KCNH8: variants seen among roughly 807,000 people sequenced by gnomAD.
KCNH8 encodes the protein potassium voltage-gated channel subfamily H member 8, also known as voltage-gated delayed rectifier potassium channel KCNH8.
A neutral mutation model predicts 103.6 loss-of-function variants in KCNH8; 70 were observed. The ratio of observed to expected loss-of-function variants is 0.68; its 90% CI spans 0.56 to 0.82. KCNH8 has a LOEUF of 0.82. KCNH8 is among the 40% of genes least tolerant of loss of function. KCNH8 has a pLI of 0.00. For synonymous variants in KCNH8, 498 were observed against 489.4 expected (o/e 1.02, Z -0.23); for missense variants, 1,217 against 1,329.9 (o/e 0.92, Z 1.32).
At chr3:19,398,141 A>C (rs1247844202) in intron 7 of KCNH8, among the ~76,000 whole-genome samples, 1 of 152,010 alleles carries the variant, frequency 6.6e-6, no homozygotes, top group East Asian at 1.9e-4. Flanking sequence ...AATTATTGTT[A>C]ATTCCATAAA....
At chr3:19,223,899 T>C (rs7624713) in intron 1 of KCNH8, among the ~76,000 whole-genome samples, 7,437 of 152,246 alleles carry the variant, frequency 0.049, 611 homozygotes, top group African/African-American at 0.16. Flanking sequence ...TAATCTTTAA[T>C]ATTTTTTTCT....
At chr3:19,500,254 C>T (rs2068548498) in intron 11 of KCNH8, among the ~76,000 whole-genome samples, 1 of 152,124 alleles carries the variant, frequency 6.6e-6, no homozygotes, top group South Asian at 2.1e-4. Context: ...AATATATATG[C>T]ACCCAATACA....
intron 1 of KCNH8, among the ~76,000 whole-genome samples, chr3:19,178,034 A>C (rs1187009673): frequency 6.6e-6 from 1 of 152,020 alleles, no homozygotes; most frequent in African/African-American, 2.4e-5. Context: ...TTACCAACTC[A>C]GTTCTTTATT....
chr3:19,239,635 A>AATCT (rs10571316), intron 1 of KCNH8, among the ~76,000 whole-genome samples: 22,436 of 145,698 alleles, frequency 0.15, 1,794 homozygotes, highest in African/African-American at 0.17. Context: ...AGAATGATGG[A>AATCT]ATCTATCTAT....
chr3:19,405,410 A>C (rs1425999822), intron 7 of KCNH8, among the ~76,000 whole-genome samples: 1 of 151,818 alleles, frequency 6.6e-6, no homozygotes, highest in Non-Finnish European at 1.5e-5. Flanking sequence ...TGAGTTTTTT[A>C]GAAAGACAAT....
Position 19,535,462 on chromosome 3 carries a change from G to T in KCNH8, c.*1363G>T, listed in dbSNP as rs1331554125. 6.6e-6 allele frequency: 1 copy of T among 152,122 alleles called. No individual in the cohort carries two copies. Among genetic ancestry groups the T allele is most frequent in the Non-Finnish European group, 1.5e-5 (1 of 68,036 alleles). 9.4% of individuals were successfully genotyped at this position (152,122 alleles called of 1,614,324 possible). A position where few individuals can be genotyped will look rare whatever the true frequency, so the allele number is the denominator to read the frequency against. ...CTCACACTAACAGGCAAATTCAGAT[G>T]CTGGGATTGGCAATGATTTAAGCAC... On this transcript the variant is annotated 3_prime_UTR_variant, in exon 16 of 16. Coordinates refer to ENST00000328405, the MANE Select transcript of KCNH8 (RefSeq NM_144633.3).
chr3:19,442,619 T>C (rs956562259), intron 8 of KCNH8, among the ~76,000 whole-genome samples: 4 of 152,182 alleles, frequency 2.6e-5, no homozygotes, highest in African/African-American at 9.6e-5. Context: ...TCAGTGCTCA[T>C]TGGTAAGTGG....
At chr3:19,528,362 C>A (rs1211765086) in intron 15 of KCNH8, among the ~76,000 whole-genome samples, 1 of 151,716 alleles carries the variant, frequency 6.6e-6, no homozygotes, top group Non-Finnish European at 1.5e-5. Flanking sequence ...GGGAAATTTC[C>A]CAGAGAATTA....
Position 19,513,150 on chromosome 3 carries a change from A to G in KCNH8, c.2260A>G (p.Lys754Glu). ...TAAAGCCTACCTGGGCTTAAGCTTAAAGCAACTGGCCTCGGGAACGGTGCC... is the reference window on the plus strand; with the variant it reads ...TAAAGCCTACCTGGGCTTAAGCTTAGAGCAACTGGCCTCGGGAACGGTGCC... ...SNKAYLGLSL[K>E]QLASGTVPFH... The change falls in exon 13 of 16, where the codon AAG becomes GAG. Residue 754 changes from lysine (K) to glutamate (E), a missense_variant. By Grantham distance (56) the Lys-to-Glu change is moderately conservative (BLOSUM62 1). Around this residue, in one of 3 missense-constraint regions of KCNH8, gnomAD observed 558 missense variants for 495.8 expected, o/e 1.13. Coordinates refer to ENST00000328405, the MANE Select transcript of KCNH8 (RefSeq NM_144633.3). 1 of 1,614,012 alleles carries G rather than the reference A, an allele frequency of 6.2e-7. No homozygotes were observed. The highest frequency in any genetic ancestry group is 8.5e-7 in the Non-Finnish European group (1 of 1,179,938).
chr3:19,304,663 T>TA (rs2065107055), intron 3 of KCNH8, among the ~76,000 whole-genome samples: 1 of 151,664 alleles, frequency 6.6e-6, no homozygotes, highest in African/African-American at 2.4e-5. Flanking sequence ...ATGTGAAAAA[T>TA]AAAAAGAAGT....
In KCNH8 at chr3:19,450,009, GCT is replaced by G. The variant is rs202062351; in HGVS notation, c.1376-94_1376-93del. ...CAACATGGCCATGTAACCATGCTCT[GCT>G]CTGCTCTGATCCAGGATAAACTGTA... On this transcript the variant is annotated intron_variant, in intron 8 of 15. Coordinates refer to ENST00000328405, the MANE Select transcript of KCNH8 (RefSeq NM_144633.3). 12 of 1,007,404 alleles carry G rather than the reference GCT, an allele frequency of 1.2e-5. No homozygotes were observed. The East Asian group carries it at 2.8e-4, about 23-fold the overall frequency. 62.4% of individuals were successfully genotyped at this position (1,007,404 alleles called of 1,614,324 possible). A position where few individuals can be genotyped will look rare whatever the true frequency, so the allele number is the denominator to read the frequency against.
intron 3 of KCNH8, among the ~76,000 whole-genome samples, chr3:19,334,704 G>A (rs1192896982): frequency 3.5e-5 from 5 of 142,274 alleles, no homozygotes; most frequent in South Asian, 2.2e-4. Flanking sequence ...TGAGGTCAGT[G>A]ATGTTAAAAA....
At chr3:19,490,404 G>C (rs1162970450) in intron 11 of KCNH8, among the ~76,000 whole-genome samples, 1 of 152,208 alleles carries the variant, frequency 6.6e-6, no homozygotes, top group African/African-American at 2.4e-5. Context: ...CATGTGAGAG[G>C]GTCGGGATTG....
At chr3:19,306,229 G>A (rs975747271) in intron 3 of KCNH8, among the ~76,000 whole-genome samples, 1 of 152,060 alleles carries the variant, frequency 6.6e-6, no homozygotes, top group African/African-American at 2.4e-5. Context: ...TTGTCCTAAT[G>A]TATTAGTGAG....
At chr3:19,343,972 T>TGGGG (rs58189684) in intron 4 of KCNH8, among the ~76,000 whole-genome samples, 1 of 149,834 alleles carries the variant, frequency 6.7e-6, no homozygotes, top group Admixed American at 6.7e-5. Context: ...TGTACCACTG[T>TGGGG]GGTCACGCTT....
intron 1 of KCNH8, among the ~76,000 whole-genome samples, chr3:19,229,335 G>A (rs1164447195): frequency 1.3e-5 from 2 of 152,186 alleles, no homozygotes; most frequent in African/African-American, 4.8e-5. Context: ...CTCCATGAGT[G>A]CCCTACCCCT....
At chr3:19,246,934 G>T (rs1289384462) in intron 1 of KCNH8, among the ~76,000 whole-genome samples, 2 of 152,132 alleles carry the variant, frequency 1.3e-5, no homozygotes, top group Non-Finnish European at 2.9e-5. Flanking sequence ...TTGTTTATTG[G>T]ACTGAAGGGA....
intron 5 of KCNH8, 77 bp from the exon 6 acceptor site, chr3:19,390,404 C>T: frequency 2.7e-6 from 3 of 1,100,136 alleles, no homozygotes; most frequent in East Asian, 2.5e-5. Flanking sequence ...TTTCTTCTTT[C>T]TTTCATTGTC....
intron 1 of KCNH8, among the ~76,000 whole-genome samples, chr3:19,185,438 C>T (rs999543183): frequency 6.6e-6 from 1 of 151,662 alleles, no homozygotes; most frequent in East Asian, 1.9e-4. Context: ...AATGTTTATC[C>T]AAGTCTTTTG....
Sources: gnomAD v4.1 joint callset for allele counts (sites outside exome capture counted in the v4.1 genomes callset) on GRCh38, gnomAD v4.1.1 for gene constraint, gnomAD v4.1.1 regional missense constraint, MANE v1.5 for transcripts, NCBI Gene and HGNC (gene_info 2026-07-23, HGNC 2026-07-21) for gene names.